Variants in UNC79 observed in about 807,000 individuals in gnomAD.
UNC79 encodes protein unc-79 homolog.
In UNC79, 37 loss-of-function variants were observed where a neutral mutation model predicts 283.1. The ratio of observed to expected loss-of-function variants is 0.13; its 90% CI spans 0.10 to 0.17. The LOEUF is 0.17. UNC79 is among the 10% of genes least tolerant of loss of function. The pLI is 1.00. For missense variants in UNC79, 2,272 were observed against 3,211.1 expected (o/e 0.71, Z 7.07); for synonymous variants, 1,107 against 1,200.2 (o/e 0.92, Z 1.61).
intron 1 of UNC79, among the ~76,000 whole-genome samples, chr14:93,405,565 A>C (rs1279900519): frequency 6.6e-6 from 1 of 152,204 alleles, no homozygotes; most frequent in Admixed American, 6.5e-5. Context: ...CATTACAAAC[A>C]TTGATCACCT....
intron 1 of UNC79, among the ~76,000 whole-genome samples, chr14:93,444,972 G>A (rs1450690173): frequency 6.6e-6 from 1 of 152,160 alleles, no homozygotes; most frequent in East Asian, 1.9e-4. Context: ...TGACACATAT[G>A]TAAACTTATT....
chr14:93,680,161 C>T (rs2073725896), intron 41 of UNC79, among the ~76,000 whole-genome samples: 1 of 152,172 alleles, frequency 6.6e-6, no homozygotes, highest in African/African-American at 2.4e-5. Context: ...ATAAATCAGA[C>T]AGTTGGATCC....
intron 33 of UNC79, among the ~76,000 whole-genome samples, chr14:93,641,898 T>A (rs904931326): frequency 2.0e-5 from 3 of 152,096 alleles, no homozygotes; most frequent in Admixed American, 2.0e-4. Context: ...AGTGAATAAG[T>A]CTCATGAGAT....
At chr14:93,580,122 G>A (rs368392597) in intron 18 of UNC79, 27 bp from the exon 19 acceptor site, 80 of 1,582,304 alleles carry the variant, frequency 5.1e-5, no homozygotes, top group East Asian at 1.6e-4. Flanking sequence ...GTGTGTGTGC[G>A]TGTGTCCTTT....
At position 93,487,774 on chromosome 14, in the gene UNC79, G is replaced by A. The variant is rs749800376; in HGVS notation, c.712+19G>A. Reference sequence around the variant, plus strand: ...AATCCAGGTAAGTGGAAATTGGAATGGTTTGACTAATTCTAGTACCAATAA... The same window carrying A: ...AATCCAGGTAAGTGGAAATTGGAATAGTTTGACTAATTCTAGTACCAATAA... On this transcript the variant is annotated intron_variant, in intron 5 of 48. Coordinates refer to ENST00000555664, the Ensembl canonical transcript of UNC79. The A allele has an allele frequency of 3.1e-6, 5 of 1,603,716 alleles. No individual in the cohort carries two copies. In the South Asian group the frequency reaches 5.6e-5, roughly 18 times the overall value.
intron 35 of UNC79, among the ~76,000 whole-genome samples, chr14:93,649,799 A>G (rs575645227): frequency 6.6e-6 from 1 of 152,286 alleles, no homozygotes; most frequent in African/African-American, 2.4e-5. Context: ...TACTCACCAT[A>G]TTGTACATTG....
intron 35 of UNC79, among the ~76,000 whole-genome samples, chr14:93,651,912 A>ATTTTTTTTTT (rs71129653): frequency 8.6e-5 from 4 of 46,602 alleles, no homozygotes; most frequent in Non-Finnish European, 1.6e-4. Context: ...CTAATTTTGT[A>ATTTTTTTTTT]TTTTTTTTTT....
intron 30 of UNC79, among the ~76,000 whole-genome samples, chr14:93,628,578 C>A (rs2067753611): frequency 6.6e-6 from 1 of 152,134 alleles, no homozygotes; most frequent in African/African-American, 2.4e-5. Flanking sequence ...AATGAAAGCT[C>A]CTGAAGGCAA....
upstream of UNC79, chr14:93,430,214 C>T (rs1595464735): frequency 6.5e-6 from 1 of 153,374 alleles, no homozygotes; most frequent in East Asian, 1.9e-4. This position sits in a 1 kb window ranked among gnomAD's most constrained non-coding sequence, Gnocchi z 4.6. Flanking sequence ...CTTCACCATC[C>T]GTGGACATCT....
At chr14:93,622,423 G>C in exon 30 of UNC79, 1 of 1,614,160 alleles carries the variant, frequency 6.2e-7, no homozygotes, top group Non-Finnish European at 8.5e-7. Context: ...CAAAGCCAGA[G>C]GAGCTGCCAG....
chr14:93,477,535 G>A (rs1185514430), intron 3 of UNC79, 23 bp from the exon 4 acceptor site: 1 of 1,553,372 alleles, frequency 6.4e-7, no homozygotes, highest in East Asian at 2.3e-5. Flanking sequence ...TTCAGTGACT[G>A]ATTACTCAAT....
At chr14:93,679,734 T>C (rs1202582683) in intron 41 of UNC79, among the ~76,000 whole-genome samples, 1 of 152,206 alleles carries the variant, frequency 6.6e-6, no homozygotes, top group Non-Finnish European at 1.5e-5. Context: ...GGGTATCATT[T>C]TGATAATGAA....
chr14:93,484,206 T>C (rs1326343578), intron 4 of UNC79, among the ~76,000 whole-genome samples: 2 of 152,198 alleles, frequency 1.3e-5, no homozygotes, highest in Non-Finnish European at 2.9e-5. Context: ...TCCTGACTTT[T>C]TAATGATGAC....
intron 1 of UNC79, among the ~76,000 whole-genome samples, chr14:93,437,011 G>T (rs1307197988): frequency 6.6e-6 from 1 of 151,770 alleles, no homozygotes; most frequent in African/African-American, 2.4e-5. Flanking sequence ...TCAGGAACTT[G>T]GTCTTCCAAT....
At chr14:93,437,103 A>T (rs996865677) in intron 1 of UNC79, among the ~76,000 whole-genome samples, 1 of 152,200 alleles carries the variant, frequency 6.6e-6, no homozygotes, top group African/African-American at 2.4e-5. Flanking sequence ...GTGTATATAC[A>T]TATACATTTA....
chr14:93,482,087 G>A (rs2140406572), intron 4 of UNC79, among the ~76,000 whole-genome samples: 1 of 152,286 alleles, frequency 6.6e-6, no homozygotes, highest in Admixed American at 6.5e-5. Context: ...GTGATATTAT[G>A]CACGTGTATA....
chr14:93,563,543 C>T (rs1194766809), intron 14 of UNC79, among the ~76,000 whole-genome samples: 1 of 152,160 alleles, frequency 6.6e-6, no homozygotes, highest in African/African-American at 2.4e-5. Context: ...GCAGTGAGTT[C>T]GGCTTGCTGA....
intron 40 of UNC79, among the ~76,000 whole-genome samples, chr14:93,669,749 T>C (rs1338428147): frequency 6.6e-6 from 1 of 152,110 alleles, no homozygotes; most frequent in Non-Finnish European, 1.5e-5. Flanking sequence ...CTCTGAAGGC[T>C]GAGGTGGAAG....
chr14:93,506,881 A>G (rs1451946959), intron 7 of UNC79, among the ~76,000 whole-genome samples: 1 of 152,218 alleles, frequency 6.6e-6, no homozygotes, highest in African/African-American at 2.4e-5. Flanking sequence ...CCATCAACCC[A>G]GAAAATAATG....
Sources: gnomAD v4.1 joint callset for allele counts (sites outside exome capture counted in the v4.1 genomes callset) on GRCh38, gnomAD v4.1.1 for gene constraint, Gnocchi (gnomAD v3.1) non-coding constraint, MANE v1.5 for transcripts, NCBI Gene and HGNC (gene_info 2026-07-23, HGNC 2026-07-21) for gene names.